The following KDM4C variants were observed in gnomAD, a reference collection of about 807,000 sequenced individuals.
KDM4C encodes lysine demethylase 4C.
In KDM4C, 81 loss-of-function variants were observed where a neutral mutation model predicts 129.3. The ratio of observed to expected loss-of-function variants is 0.63; its 90% confidence interval spans 0.52 to 0.75. The LOEUF (loss-of-function observed/expected upper bound fraction) is 0.75. KDM4C is among the 30% of genes least tolerant of loss of function. The pLI is 0.00. For synonymous variants in KDM4C, 573 were observed against 456.1 expected, an observed-to-expected ratio of 1.26 and a Z score of -3.26; for missense variants, 1,457 against 1,304.0, an observed-to-expected ratio of 1.12 and a Z score of -1.81.
intron 17 of KDM4C, among the ~76,000 whole-genome samples, chr9:7,095,643 A>G (rs753236079): frequency 6.6e-6 from 1 of 152,142 alleles, no homozygotes; most frequent in Non-Finnish European, 1.5e-5. Flanking sequence ...TTAAAATATT[A>G]TAGTTTCCAA....
Position 7,014,101 on chromosome 9 carries a change from A to G in KDM4C, c.2182+100A>G, listed in dbSNP as rs192434008. On this transcript the variant is annotated intron_variant, in intron 14 of 21. Coordinates refer to ENST00000381309, the MANE Select transcript of KDM4C (RefSeq NM_015061.6). ...ACCTGTCAGATCTGTTGCATGGACTATTGGCATTCTTAATGGTTATATCAT... is the reference window on the plus strand; with the variant it reads ...ACCTGTCAGATCTGTTGCATGGACTGTTGGCATTCTTAATGGTTATATCAT... 34 of 858,998 alleles carry G rather than the reference A, an allele frequency of 4.0e-5. 1 individual carries two copies. In the South Asian group the frequency reaches 4.0e-4, roughly 10 times the overall value. 53.2% of individuals were successfully genotyped at this position (858,998 alleles called of 1,614,324 possible).
chr9:6,929,620 C>G (rs868665892), intron 8 of KDM4C, among the ~76,000 whole-genome samples: 1 of 151,870 alleles, frequency 6.6e-6, no homozygotes, highest in African/African-American at 2.4e-5. Flanking sequence ...TGGGTAGACT[C>G]TTTTTAGCAG....
At position 6,989,485 on chromosome 9, in the gene KDM4C, G is replaced by A. The variant is rs115482498; in HGVS notation, c.1678-931G>A. 3.7e-3 allele frequency among the ~76,000 whole-genome samples: 565 copies of A among 152,186 alleles called. 4 individuals are homozygous for A. The highest frequency in any genetic ancestry group is 0.013 in the African/African-American group (549 of 41,502). On this transcript the variant is annotated intron_variant, in intron 11 of 21. Transcript: ENST00000381309. ...TACACATGACTTTCTACCCGGGAAA[G>A]GAATATATAGTCTGTAAATCCCAGG... is the stretch of plus-strand genomic sequence containing the variant.
intron 1 of KDM4C, among the ~76,000 whole-genome samples, chr9:6,787,175 A>G (rs1825662309): frequency 6.6e-6 from 1 of 152,200 alleles, no homozygotes; most frequent in African/African-American, 2.4e-5. Flanking sequence ...TCTAGTAGCC[A>G]CTAATTTGCT....
At chr9:6,934,896 T>A (rs12683497) in intron 8 of KDM4C, among the ~76,000 whole-genome samples, 34 of 152,008 alleles carry the variant, frequency 2.2e-4, no homozygotes, top group African/African-American at 1.9e-4. Context: ...TTTTTTTTTT[T>A]AAATTAGGTA....
At chr9:6,728,377 T>A (rs1817212261) in intron 1 of KDM4C, among the ~76,000 whole-genome samples, 2 of 150,674 alleles carry the variant, frequency 1.3e-5, no homozygotes, top group South Asian at 4.2e-4. Context: ...TTACTAAAAG[T>A]ACAAAAATTA....
chr9:6,905,965 G>A (rs1378537363), intron 8 of KDM4C, among the ~76,000 whole-genome samples: 4 of 152,116 alleles, frequency 2.6e-5, no homozygotes, highest in Non-Finnish European at 5.9e-5. Flanking sequence ...ATTTCTGAAA[G>A]TATCCAGGCT....
intron 11 of KDM4C, among the ~76,000 whole-genome samples, chr9:6,987,199 G>C (rs818903): frequency 1 from 151,937 of 152,306 alleles, 75,784 homozygotes; most frequent in East Asian, 1. Context: ...CAGGACTCAC[G>C]TGGTCATGCT....
rs562287842 is a variant in KDM4C at position 7,005,350 on chromosome 9, G to A, written c.1787-6348G>A. ...CTCGGGAGGCTGAGGCAGGAGAATC[G>A]CTTGAACCCAGGAGGCGGAGGTTTC... On this transcript the variant is annotated intron_variant, in intron 12 of 21. Coordinates refer to ENST00000381309, the MANE Select transcript of KDM4C (RefSeq NM_015061.6). 1.3e-4 allele frequency among the ~76,000 whole-genome samples: 19 copies of A among 150,202 alleles called. 1 individual carries two copies. In the South Asian group the frequency reaches 3.0e-3, roughly 24 times the overall value.
In KDM4C at chr9:6,860,393, T is replaced by C. The variant is rs115488279; in HGVS notation, c.629+10693T>C. Among the ~76,000 whole-genome samples the C allele has an allele frequency of 4.1e-3, 625 of 152,296 alleles. 2 individuals carry two copies. The highest frequency in any genetic ancestry group is 0.014 in the African/African-American group (591 of 41,564). On this transcript the variant is annotated intron_variant, in intron 5 of 21. Transcript: ENST00000381309. Reference sequence around the variant, plus strand: ...TAGGGAATAGTTGGTGATTTTTAATTAGACTATACTTAGATTCTGACCCCT... The same window carrying C: ...TAGGGAATAGTTGGTGATTTTTAATCAGACTATACTTAGATTCTGACCCCT...
At chr9:6,973,174 T>C (rs1478206185) in intron 8 of KDM4C, among the ~76,000 whole-genome samples, 1 of 152,222 alleles carries the variant, frequency 6.6e-6, no homozygotes, top group Non-Finnish European at 1.5e-5. Flanking sequence ...ACATGAGTTG[T>C]TTTCATTTTC....
chr9:6,808,690 TAAAAAAAAAA>T (rs908471656), intron 3 of KDM4C, among the ~76,000 whole-genome samples: 3 of 63,848 alleles, frequency 4.7e-5, no homozygotes, highest in Non-Finnish European at 1.0e-4. Context: ...GAATTATCAA[TAAAAAAAAAA>T]AAAAAAAAAA....
chr9:6,904,903 A>C (rs1818040463), intron 8 of KDM4C, among the ~76,000 whole-genome samples: 1 of 152,192 alleles, frequency 6.6e-6, no homozygotes, highest in African/African-American at 2.4e-5. Flanking sequence ...AAGAAAAAAA[A>C]ACCTAGCTTG....
intron 17 of KDM4C, among the ~76,000 whole-genome samples, chr9:7,051,998 C>A (rs985670850): frequency 6.6e-5 from 10 of 152,184 alleles, no homozygotes; most frequent in Non-Finnish European, 2.9e-5. Context: ...AAATCACCCT[C>A]ATTTAAGAAT....
intron 5 of KDM4C, among the ~76,000 whole-genome samples, chr9:6,877,557 A>G (rs1176532966): frequency 6.6e-6 from 1 of 152,152 alleles, no homozygotes; most frequent in Non-Finnish European, 1.5e-5. Flanking sequence ...AGAGAACAGA[A>G]TTGTTCTTTG....
intron 2 of KDM4C, among the ~76,000 whole-genome samples, chr9:6,794,094 A>AT (rs1264881969): frequency 6.6e-6 from 1 of 151,964 alleles, no homozygotes; most frequent in African/African-American, 2.4e-5. Context: ...CTCTCTCTAC[A>AT]TTTGCCTATT....
At chr9:7,094,344 A>G (rs549147496) in intron 17 of KDM4C, among the ~76,000 whole-genome samples, 1 of 151,394 alleles carries the variant, frequency 6.6e-6, no homozygotes, top group Non-Finnish European at 1.5e-5. Flanking sequence ...CTTTTTTTTT[A>G]TTTTATTTTA....
At chr9:7,076,784 C>T (rs1446529889) in intron 17 of KDM4C, 9 of 1,066,556 alleles carry the variant, frequency 8.4e-6, no homozygotes, top group Non-Finnish European at 1.0e-5. Flanking sequence ...TTTCCCTTTC[C>T]CTTTGTGATT....
At chr9:7,088,423 G>C (rs1835400765) in intron 17 of KDM4C, among the ~76,000 whole-genome samples, 4 of 152,068 alleles carry the variant, frequency 2.6e-5, no homozygotes, top group Admixed American at 6.5e-5. Context: ...TTCTATACTA[G>C]TATTGACCCA....
Sources: allele counts gnomAD v4.1 joint callset (sites outside exome capture counted in the v4.1 genomes callset), GRCh38; gene constraint gnomAD v4.1.1; transcripts MANE v1.5; gene names NCBI Gene and HGNC (gene_info 2026-07-23, HGNC 2026-07-21).